The following SHOC1 variants were observed in gnomAD, a reference collection of about 807,000 sequenced individuals.
SHOC1 encodes the protein shortage in chiasmata 1.
Under a neutral mutation model 179.2 loss-of-function variants are expected in SHOC1, and 136 were observed. The ratio of observed to expected loss-of-function variants is 0.76; its 90% CI spans 0.66 to 0.87. The LOEUF is 0.87. Among genes scored for constraint, SHOC1 ranks in the 40% least tolerant of loss-of-function variants. The probability of loss-of-function intolerance (pLI) is 0.00; values close to 1 mark genes in which losing one functional copy is unlikely to be tolerated. For missense variants in SHOC1, 1,538 were observed against 1,700.8 expected (o/e 0.90, Z 1.68); for synonymous variants, 489 against 586.6 (o/e 0.83, Z 2.41).
chr9:111,748,111 T>C lies in SHOC1; in HGVS notation c.951A>G (p.Pro317=), dbSNP rs1484622803. 3.7e-6 allele frequency: 6 copies of C among 1,613,372 alleles called. No individual in the cohort carries two copies. The Admixed American group carries it at 8.3e-5, about 22-fold the overall frequency. ...EILTIQSQSE[P]EECSKPGELE... ...TTCTACCTGGTTTACTGCACTCTTC[T>C]GGTTCACTCTGGCTTTGAATGGTCA... Residue 317 remains proline, a synonymous_variant, in exon 9 of 28, where the codon CCA becomes CCG. Coordinates refer to ENST00000682961, the MANE Select transcript of SHOC1 (RefSeq NM_001378211.1).
intron 18 of SHOC1, among the ~76,000 whole-genome samples, chr9:111,712,861 A>G (rs954638213): frequency 5.9e-5 from 9 of 152,206 alleles, no homozygotes; most frequent in Non-Finnish European, 8.8e-5. Context: ...GGCAATCAAT[A>G]AAAGTGTCAA....
At chr9:111,791,113 T>G (rs1836430096) in intron 2 of SHOC1, among the ~76,000 whole-genome samples, 1 of 152,190 alleles carries the variant, frequency 6.6e-6, no homozygotes, top group Non-Finnish European at 1.5e-5. Context: ...TTTAAAATAT[T>G]GTATAAAATT....
At position 111,738,315 on chromosome 9, in the gene SHOC1, T is replaced by G. The variant is rs1434750209; in HGVS notation, c.1382A>C (p.Glu461Ala). 1 of 1,611,860 alleles carries G rather than the reference T, an allele frequency of 6.2e-7. No homozygotes were observed. Among genetic ancestry groups the G allele is most frequent in the Non-Finnish European group, 8.5e-7 (1 of 1,179,148 alleles). ...DNLSSNDTKI[E>A]IFLPTKVLQL... ...AAGCACTTTCGTAGGCAAAAATATCTCAATTTTAGTGTCATTAGAAGACAA... is the reference window on the plus strand; with the variant it reads ...AAGCACTTTCGTAGGCAAAAATATCGCAATTTTAGTGTCATTAGAAGACAA... The change falls in exon 12 of 28, where the codon GAG becomes GCG. Residue 461 changes from glutamate (E) to alanine (A), a missense_variant. Glu to Ala is a moderately radical substitution (Grantham distance 107). Transcript: ENST00000682961.
chr9:111,792,713 T>C (rs1836489158), intron 1 of SHOC1, among the ~76,000 whole-genome samples: 1 of 152,218 alleles, frequency 6.6e-6, no homozygotes, highest in Non-Finnish European at 1.5e-5. Context: ...AAATATGTTA[T>C]CTGAATTGTC....
intron 9 of SHOC1, 88 bp downstream of exon 9, chr9:111,748,004 A>G: frequency 1.3e-6 from 1 of 796,720 alleles, no homozygotes; most frequent in East Asian, 2.5e-5. Flanking sequence ...AAACTGACTC[A>G]CAGTACACTG....
At chr9:111,727,502 C>T (rs1833348911) in intron 13 of SHOC1, 131 bp downstream of exon 13, 2 of 755,418 alleles carry the variant, frequency 2.6e-6, no homozygotes, top group Non-Finnish European at 3.9e-6. Context: ...GAATCAATGA[C>T]ATTTTCCTTG....
intron 17 of SHOC1, 67 bp downstream of exon 17, chr9:111,714,378 A>C: frequency 6.5e-7 from 1 of 1,545,752 alleles, no homozygotes; most frequent in Admixed American, 1.8e-5. Context: ...GTTAAATGCA[A>C]AAATGTATCT....
At chr9:111,727,443 T>C (rs565589251) in intron 13 of SHOC1, among the ~76,000 whole-genome samples, 190 bp downstream of exon 13, 4 of 152,304 alleles carry the variant, frequency 2.6e-5, no homozygotes, top group African/African-American at 9.6e-5. Context: ...TATCTGTATC[T>C]AAATCATGCC....
At chr9:111,695,510 G>GA (rs985656510) in intron 24 of SHOC1, among the ~76,000 whole-genome samples, 7 of 150,570 alleles carry the variant, frequency 4.6e-5, no homozygotes, top group African/African-American at 1.2e-4. Flanking sequence ...TTCCCATTTA[G>GA]AAAAAAAAAG....
rs1836441521 is a variant in SHOC1 at position 111,791,433 on chromosome 9, A to C, written c.-15T>G. ...GCTGAAAACATATCTTCTTTCTTTC[A>C]AAGCAGTGTAAATTTCAACATCTGG... On this transcript the variant is annotated 5_prime_UTR_variant, in exon 2 of 28. The change abolishes the stop of an existing upstream ORF in the 5' untranslated region. Transcript: ENST00000682961. 6.9e-7 allele frequency: 1 copy of C among 1,451,476 alleles called. No homozygotes were observed. The highest frequency in any genetic ancestry group is 2.6e-5 in the Admixed American group (1 of 38,940). 89.9% of individuals were successfully genotyped at this position (1,451,476 alleles called of 1,614,324 possible).
chr9:111,756,105 A>G (rs1408513009), intron 8 of SHOC1, among the ~76,000 whole-genome samples: 2 of 151,982 alleles, frequency 1.3e-5, no homozygotes, highest in African/African-American at 2.4e-5. Flanking sequence ...CTGGGCAACA[A>G]GAGCGAAATT....
At chr9:111,776,402 C>A (rs2131619496) in intron 4 of SHOC1, among the ~76,000 whole-genome samples, 1 of 152,294 alleles carries the variant, frequency 6.6e-6, no homozygotes. Context: ...CACTAATAAT[C>A]TGAAATATAT....
At chr9:111,742,242 A>G (rs1015526295) in intron 10 of SHOC1, among the ~76,000 whole-genome samples, 2 of 152,216 alleles carry the variant, frequency 1.3e-5, no homozygotes, top group Admixed American at 1.3e-4. Flanking sequence ...AAAAATAAAA[A>G]TACAATCTAA....
chr9:111,725,293 A>C (rs1055929791), intron 13 of SHOC1, among the ~76,000 whole-genome samples: 171 of 152,304 alleles, frequency 1.1e-3, no homozygotes, highest in African/African-American at 4.0e-3. Context: ...GTGTAAAATA[A>C]GACAAAAAGT....
chr9:111,719,240 G>C (rs1410053075), intron 15 of SHOC1, among the ~76,000 whole-genome samples: 1 of 152,096 alleles, frequency 6.6e-6, no homozygotes, highest in Admixed American at 6.6e-5. Flanking sequence ...TGTGGGAAAT[G>C]GTCTGACTTC....
chr9:111,794,769 G>T (rs946745334), intron 1 of SHOC1, 131 bp downstream of exon 1: 1 of 152,218 alleles, frequency 6.6e-6, no homozygotes, highest in Non-Finnish European at 1.5e-5. Flanking sequence ...GAGCCACATC[G>T]GCCGGGCCTC....
chr9:111,697,879 C>T (rs1831777587), intron 24 of SHOC1, among the ~76,000 whole-genome samples: 1 of 152,156 alleles, frequency 6.6e-6, no homozygotes, highest in Non-Finnish European at 1.5e-5. Flanking sequence ...TAATGATCGC[C>T]ATTCTAACTG....
At chr9:111,780,632 TA>T (rs554027646) in intron 4 of SHOC1, among the ~76,000 whole-genome samples, 91 of 152,286 alleles carry the variant, frequency 6.0e-4, no homozygotes, top group African/African-American at 2.1e-3. Flanking sequence ...CTTAAATCTG[TA>T]TTTATAACAT....
intron 5 of SHOC1, among the ~76,000 whole-genome samples, chr9:111,768,711 G>A (rs1835451478): frequency 2.0e-5 from 3 of 152,158 alleles, no homozygotes; most frequent in Admixed American, 6.5e-5. Flanking sequence ...TACAAACAAG[G>A]CTAATTTGAT....
Sources: gnomAD v4.1 joint callset for allele counts (sites outside exome capture counted in the v4.1 genomes callset) on GRCh38, gnomAD v4.1.1 for gene constraint, MANE v1.5 for transcripts, NCBI Gene and HGNC (gene_info 2026-07-23, HGNC 2026-07-21) for gene names.